The following C1orf198 variants were observed in gnomAD, a reference collection of about 807,000 sequenced individuals.
The protein encoded by C1orf198 is chromosome 1 open reading frame 198.
Under a neutral mutation model 31.4 loss-of-function variants are expected in C1orf198, and 17 were observed. The ratio of observed to expected loss-of-function variants is 0.54; its 90% CI spans 0.37 to 0.81. The LOEUF is 0.81. Among genes scored for constraint, C1orf198 ranks in the 40% least tolerant of loss-of-function variants. C1orf198 has a pLI of 0.00. For missense variants in C1orf198, 401 were observed against 450.3 expected, an observed-to-expected ratio of 0.89 and a Z score of 0.99; for synonymous variants, 175 against 193.8, an observed-to-expected ratio of 0.90 and a Z score of 0.81.
In C1orf198 at chr1:230,857,157, G is replaced by A. The variant is rs925093750; in HGVS notation, c.334-1439C>T. On this transcript the variant is annotated intron_variant, in intron 1 of 3. Coordinates refer to ENST00000366663, the MANE Select transcript of C1orf198 (RefSeq NM_032800.3). This position sits in a 1 kb window ranked among gnomAD's most constrained non-coding sequence, Gnocchi z 4.2. ...CTTTGAACTCAAATAACGAAGGCAT[G>A]CCAGGGTCTGGGCAGCTGAAGGCCT... 6.6e-6 allele frequency among the ~76,000 whole-genome samples: 1 copy of A among 152,162 alleles called. No homozygotes were observed. The highest frequency in any genetic ancestry group is 1.5e-5 in the Non-Finnish European group (1 of 68,030).
chr1:230,861,327 CT>C (rs1360595588), intron 1 of C1orf198, among the ~76,000 whole-genome samples: 5 of 152,196 alleles, frequency 3.3e-5, no homozygotes, highest in African/African-American at 1.2e-4. Flanking sequence ...TGTGGGAACT[CT>C]CTGTACTTTC....
At chr1:230,847,147 C>T (rs1439975849) in intron 2 of C1orf198, among the ~76,000 whole-genome samples, 2 of 143,472 alleles carry the variant, frequency 1.4e-5, no homozygotes, top group Admixed American at 7.1e-5. Context: ...GGCATGGCGA[C>T]GCATGCCTGT....
intron 2 of C1orf198, among the ~76,000 whole-genome samples, chr1:230,848,849 C>T (rs1433506936): frequency 6.6e-6 from 1 of 152,088 alleles, no homozygotes; most frequent in East Asian, 1.9e-4. Context: ...GCTCTAAAAA[C>T]TCCAGGAACT....
intron 2 of C1orf198, among the ~76,000 whole-genome samples, chr1:230,852,116 G>A (rs1013321040): frequency 6.6e-6 from 1 of 152,144 alleles, no homozygotes; most frequent in African/African-American, 2.4e-5. Flanking sequence ...AGGGCATGAG[G>A]TTACATCTAC....
intron 2 of C1orf198, among the ~76,000 whole-genome samples, chr1:230,844,400 G>A (rs1669532907): frequency 6.6e-6 from 1 of 152,012 alleles, no homozygotes; most frequent in Non-Finnish European, 1.5e-5. Context: ...ACAGCCCCCT[G>A]AGGCCTCCCC....
chr1:230,860,865 G>A (rs1669990358), intron 1 of C1orf198, among the ~76,000 whole-genome samples: 1 of 152,190 alleles, frequency 6.6e-6, no homozygotes, highest in South Asian at 2.1e-4. Flanking sequence ...CAGAAAAGTG[G>A]TTAAAACGGT....
At chr1:230,863,826 C>T (rs1670051725) in intron 1 of C1orf198, among the ~76,000 whole-genome samples, 1 of 152,226 alleles carries the variant, frequency 6.6e-6, no homozygotes, top group African/African-American at 2.4e-5. Context: ...ACTCAGAAAA[C>T]CCTGCTATCC....
At chr1:230,858,197 C>T (rs1446752552) in intron 1 of C1orf198, among the ~76,000 whole-genome samples, 1 of 152,134 alleles carries the variant, frequency 6.6e-6, no homozygotes, top group Non-Finnish European at 1.5e-5. Flanking sequence ...TCCTTGTCCA[C>T]GTCTCTGTGT....
intron 2 of C1orf198, among the ~76,000 whole-genome samples, chr1:230,850,848 T>A (rs895661085): frequency 2.6e-5 from 4 of 152,066 alleles, no homozygotes; most frequent in Non-Finnish European, 5.9e-5. Context: ...GAATCCTCTA[T>A]GTCCAGGAAC....
chr1:230,843,786 G>A lies in C1orf198; in HGVS notation c.495C>T (p.Leu165=), dbSNP rs115333854. 6.2e-6 allele frequency: 10 copies of A among 1,608,718 alleles called. No homozygotes were observed. The East Asian group carries it at 2.0e-4, about 32-fold the overall frequency. The change falls in exon 3 of 4, where the codon CTC becomes CTT. Residue 165 remains leucine, a synonymous_variant. Transcript: ENST00000366663. This position sits in a 1 kb window ranked among gnomAD's most constrained non-coding sequence, Gnocchi z 4.9. ...LSKASQGSQA[L]KSSQGSRSSS... Reference sequence around the variant, plus strand: ...AGGACCTGCTGCCTTGGGAGGACTTGAGGGCCTGGGAGCCCTGGGAAGCTT... The same window carrying A: ...AGGACCTGCTGCCTTGGGAGGACTTAAGGGCCTGGGAGCCCTGGGAAGCTT...
chr1:230,859,899 G>A (rs898048131), intron 1 of C1orf198, among the ~76,000 whole-genome samples: 2 of 152,044 alleles, frequency 1.3e-5, no homozygotes, highest in Non-Finnish European at 2.9e-5. Flanking sequence ...TATCGCCAGC[G>A]TTTACTTCTT....
At position 230,839,471 on chromosome 1, in the gene C1orf198, G is replaced by A. The variant is rs1044639764; in HGVS notation, c.*381C>T. ...GAACCCATACGGTAAAAAGCGGAGG[G>A]GGGAGGGGGAATAATGGAGAAGGAG... On this transcript the variant is annotated 3_prime_UTR_variant, in exon 4 of 4. Coordinates refer to ENST00000366663, the MANE Select transcript of C1orf198 (RefSeq NM_032800.3). 3.7e-5 allele frequency: 8 copies of A among 215,278 alleles called. No individual in the cohort carries two copies. Among genetic ancestry groups the A allele is most frequent in the Admixed American group, 1.9e-4 (3 of 15,702 alleles). 13.3% of individuals were successfully genotyped at this position (215,278 alleles called of 1,614,324 possible).
intron 2 of C1orf198, among the ~76,000 whole-genome samples, chr1:230,853,646 C>T (rs907170021): frequency 2.0e-5 from 3 of 152,138 alleles, no homozygotes; most frequent in Admixed American, 2.0e-4. Context: ...GTGAGCCCAA[C>T]AGTTTGTGAA....
At position 230,843,584 on chromosome 1, in the gene C1orf198, G is replaced by C. The variant is rs779222016; in HGVS notation, c.697C>G (p.Pro233Ala). 6.2e-7 allele frequency: 1 copy of C among 1,614,184 alleles called. No individual in the cohort carries two copies. The highest frequency in any genetic ancestry group is 8.5e-7 in the Non-Finnish European group (1 of 1,180,010). ...KVLPPCYRQE[P>A]APKDREAKVE... ...TTGGCCTCCCTGTCCTTCGGGGCAG[G>C]TTCCTGCCGGTAGCAGGGAGGCAAG... Residue 233 changes from proline (P) to alanine (A), a missense_variant, in exon 3 of 4, where the codon CCT (proline) becomes GCT (alanine). By Grantham distance (27) the Pro-to-Ala change is conservative. Transcript: ENST00000366663. The surrounding 1 kb of genome is among the most constrained non-coding windows in gnomAD (Gnocchi z 4.9).
chr1:230,867,105 A>G (rs1012551096), intron 1 of C1orf198, among the ~76,000 whole-genome samples: 4 of 152,102 alleles, frequency 2.6e-5, no homozygotes, highest in African/African-American at 9.7e-5. Flanking sequence ...CCTCGGAAAA[A>G]ATCTCTCCCA....
intron 3 of C1orf198, among the ~76,000 whole-genome samples, chr1:230,842,126 C>A (rs368585030): frequency 6.6e-6 from 1 of 151,966 alleles, no homozygotes. Context: ...CAGGAGCTTG[C>A]GGGGAGGGAT....
chr1:230,861,433 C>G lies in C1orf198; in HGVS notation c.334-5715G>C, dbSNP rs75495069. Among the ~76,000 whole-genome samples the G allele has an allele frequency of 2.7e-3, 416 of 152,310 alleles. 10 individuals are homozygous for G. In the East Asian group the frequency reaches 0.063, roughly 23 times the overall value. ...AAAGTAATAAACACTAGAAACTCATCATTTCAATACAGTTACTATTATCCA... is the reference window on the plus strand; with the variant it reads ...AAAGTAATAAACACTAGAAACTCATGATTTCAATACAGTTACTATTATCCA... On this transcript the variant is annotated intron_variant, in intron 1 of 3. Coordinates refer to ENST00000366663, the MANE Select transcript of C1orf198 (RefSeq NM_032800.3).
At chr1:230,848,801 G>C (rs566406960) in intron 2 of C1orf198, among the ~76,000 whole-genome samples, 1 of 152,284 alleles carries the variant, frequency 6.6e-6, no homozygotes, top group South Asian at 2.1e-4. Flanking sequence ...TGGGGTAGGG[G>C]AAGAATCTTT....
chr1:230,862,387 G>A (rs1014209577), intron 1 of C1orf198, among the ~76,000 whole-genome samples: 2 of 152,164 alleles, frequency 1.3e-5, no homozygotes, highest in African/African-American at 4.8e-5. Context: ...TTACCCAGAT[G>A]AACTGAAGAC....
Sources: allele counts gnomAD v4.1 joint callset (sites outside exome capture counted in the v4.1 genomes callset), GRCh38; gene constraint gnomAD v4.1.1; non-coding constraint Gnocchi (gnomAD v3.1); transcripts MANE v1.5; gene names NCBI Gene and HGNC (gene_info 2026-07-23, HGNC 2026-07-21).